Variants in OR51B5 observed in about 807,000 individuals in gnomAD.
OR51B5 encodes olfactory receptor 51B5.
For synonymous variants in OR51B5, 186 were observed against 144.8 expected (o/e 1.28, Z -2.04); for missense variants, 456 against 374.6 (o/e 1.22, Z -1.79).
intron 1 of OR51B5, among the ~76,000 whole-genome samples, chr11:5,495,550 G>GCT (rs1213174788): frequency 6.6e-6 from 1 of 152,092 alleles, no homozygotes; most frequent in Non-Finnish European, 1.5e-5. Flanking sequence ...TTTTATGCAA[G>GCT]CTTTATGGTA....
chr11:5,490,630 G>A (rs531858013), intron 1 of OR51B5, among the ~76,000 whole-genome samples: 4 of 152,222 alleles, frequency 2.6e-5, no homozygotes, highest in African/African-American at 9.6e-5. Flanking sequence ...GATGATTGTT[G>A]TTATTTGCAT....
At chr11:5,489,626 T>G (rs1309092031) in intron 1 of OR51B5, 2 of 1,613,590 alleles carry the variant, frequency 1.2e-6, no homozygotes, top group South Asian at 2.2e-5. Flanking sequence ...CGGAGTCGAC[T>G]TCTAAAACTG....
chr11:5,437,785 T>C (rs944663091), intron 1 of OR51B5, among the ~76,000 whole-genome samples: 3 of 152,190 alleles, frequency 2.0e-5, no homozygotes, highest in Admixed American at 1.3e-4. Flanking sequence ...AGATTCTTTT[T>C]CCCAACACCT....
intron 1 of OR51B5, among the ~76,000 whole-genome samples, chr11:5,446,684 T>G (rs957602154): frequency 6.6e-6 from 1 of 152,246 alleles, no homozygotes; most frequent in Non-Finnish European, 1.5e-5. Flanking sequence ...TAACTACTTA[T>G]GTTCAACAAA....
intron 1 of OR51B5, among the ~76,000 whole-genome samples, chr11:5,442,247 T>C (rs923287891): frequency 6.6e-6 from 1 of 152,182 alleles, no homozygotes; most frequent in Admixed American, 6.5e-5. Context: ...GGTATGCAGC[T>C]GGATAAAACC....
intron 1 of OR51B5, among the ~76,000 whole-genome samples, chr11:5,374,963 G>A (rs540973559): frequency 2.0e-5 from 3 of 151,722 alleles, no homozygotes; most frequent in East Asian, 1.9e-4. Flanking sequence ...CCAACATTCA[G>A]ATTCAGGAAA....
At chr11:5,343,640 TA>T, upstream of OR51B5, 1 of 573,104 alleles carries the variant, frequency 1.7e-6, no homozygotes, top group South Asian at 2.5e-5. Context: ...CTAAAGATAA[TA>T]ATGACATCAA....
intron 1 of OR51B5, among the ~76,000 whole-genome samples, chr11:5,360,644 C>T (rs1216209753): frequency 2.7e-4 from 41 of 152,054 alleles, no homozygotes; most frequent in African/African-American, 9.2e-4. Flanking sequence ...TTACTGGGTA[C>T]ATACTCAAAG....
At chr11:5,413,123 T>C (rs1039307381) in intron 1 of OR51B5, among the ~76,000 whole-genome samples, 10 of 152,060 alleles carry the variant, frequency 6.6e-5, no homozygotes, top group South Asian at 6.2e-4. Context: ...GCATTCGCGG[T>C]TCACGAAAAA....
chr11:5,476,934 A>G (rs1851316199), intron 1 of OR51B5, among the ~76,000 whole-genome samples: 1 of 152,238 alleles, frequency 6.6e-6, no homozygotes, highest in South Asian at 2.1e-4. Context: ...GATATTGGTC[A>G]AAAGGTACAA....
chr11:5,457,337 T>C (rs551283499), intron 1 of OR51B5, among the ~76,000 whole-genome samples: 2 of 152,352 alleles, frequency 1.3e-5, no homozygotes, highest in South Asian at 4.1e-4. Context: ...CTACATAGTA[T>C]TCCATGGTAT....
chr11:5,394,898 A>T (rs562440733), intron 1 of OR51B5, among the ~76,000 whole-genome samples: 78 of 152,330 alleles, frequency 5.1e-4, no homozygotes, highest in African/African-American at 1.8e-3. Flanking sequence ...TTGCTCAGTG[A>T]ATGACAGTGA....
rs556913308 is a variant in OR51B5, at chr11:5,414,840, C to T, written n.85-67930G>A. On this transcript the variant is annotated intron_variant and non_coding_transcript_variant, in intron 1 of 4. Coordinates refer to the OR51B5 transcript ENST00000415970. ...CTTTAATAATGGGAGACTTTAACACCCCACTGTCAACATTAGATAGATCAA... is the reference window on the plus strand; with the variant it reads ...CTTTAATAATGGGAGACTTTAACACTCCACTGTCAACATTAGATAGATCAA... Among the ~76,000 whole-genome samples the T allele has an allele frequency of 3.3e-5, 5 of 152,168 alleles. No homozygotes were observed. In the East Asian group the frequency reaches 9.7e-4, roughly 29 times the overall value.
At chr11:5,381,206 A>T (rs1849605692) in intron 1 of OR51B5, among the ~76,000 whole-genome samples, 2 of 151,374 alleles carry the variant, frequency 1.3e-5, no homozygotes, top group African/African-American at 4.9e-5. Flanking sequence ...ACATGCAATG[A>T]AAACCATTTG....
intron 1 of OR51B5, among the ~76,000 whole-genome samples, chr11:5,417,852 GGC>G (rs1491439393): frequency 2.6e-4 from 12 of 46,334 alleles, no homozygotes; most frequent in East Asian, 8.5e-4. Context: ...CAACCATTGT[GGC>G]GATTCCTCAG....
At position 5,451,016 on chromosome 11, in the gene OR51B5, A is replaced by G. The variant is rs1001943014; in HGVS notation, n.84+54553T>C. 3.3e-5 allele frequency among the ~76,000 whole-genome samples: 5 copies of G among 152,360 alleles called. No homozygotes were observed. In the South Asian group the frequency reaches 1.0e-3, roughly 32 times the overall value. On this transcript the variant is annotated intron_variant and non_coding_transcript_variant, in intron 1 of 4. Coordinates refer to the OR51B5 transcript ENST00000415970. ...CACCTGGTCTCCATAAACTGTGAGG[A>G]AAGCTCATCTCACTGGCTCTCAGTG...
At chr11:5,502,752 C>A (rs1216251090) in intron 1 of OR51B5, among the ~76,000 whole-genome samples, 1 of 152,134 alleles carries the variant, frequency 6.6e-6, no homozygotes, top group Non-Finnish European at 1.5e-5. Flanking sequence ...ATAGAGCCTA[C>A]CTTACAGGGT....
At chr11:5,421,593 AAATC>A (rs1387587300) in intron 1 of OR51B5, among the ~76,000 whole-genome samples, 1 of 152,246 alleles carries the variant, frequency 6.6e-6, no homozygotes, top group Non-Finnish European at 1.5e-5. Context: ...CATAGAAATA[AAATC>A]AATATCAGAA....
chr11:5,363,825 T>C (rs752462318), intron 1 of OR51B5, among the ~76,000 whole-genome samples: 3 of 152,150 alleles, frequency 2.0e-5, no homozygotes, highest in Non-Finnish European at 4.4e-5. Flanking sequence ...TAGTGTACAA[T>C]AGAAAGCAAT....
Sources: allele counts gnomAD v4.1 joint callset (sites outside exome capture counted in the v4.1 genomes callset), GRCh38; gene constraint gnomAD v4.1.1; transcripts MANE v1.5; gene names NCBI Gene and HGNC (gene_info 2026-07-23, HGNC 2026-07-21).